The following RBFOX1 variants were observed in gnomAD, a reference collection of about 807,000 sequenced individuals.
RBFOX1 encodes the protein RNA binding protein fox-1 homolog 1.
Under a neutral mutation model 57.7 loss-of-function variants are expected in RBFOX1, and 8 were observed. The ratio of observed to expected loss-of-function variants is 0.14; its 90% CI spans 0.08 to 0.25. RBFOX1 has a LOEUF of 0.25. Among genes scored for constraint, RBFOX1 ranks in the 10% least tolerant of loss-of-function variants. The pLI is 1.00. For missense variants in RBFOX1, 611 were observed against 548.5 expected, an observed-to-expected ratio of 1.11 and a Z score of -1.14; for synonymous variants, 326 against 222.4, an observed-to-expected ratio of 1.47 and a Z score of -4.15.
At chr16:5,635,330 G>T (rs2048648345) in intron 3 of RBFOX1, among the ~76,000 whole-genome samples, 1 of 152,194 alleles carries the variant, frequency 6.6e-6, no homozygotes, top group Non-Finnish European at 1.5e-5. Flanking sequence ...GAGGGAATAT[G>T]CAGCCTCCTA....
chr16:5,528,908 C>T (rs539623999), intron 2 of RBFOX1, among the ~76,000 whole-genome samples: 2 of 152,200 alleles, frequency 1.3e-5, no homozygotes, highest in Admixed American at 6.5e-5. Context: ...CTTCGGCCTC[C>T]CAAAGTGCTG....
chr16:5,277,091 G>GTA lies in RBFOX1; in HGVS notation c.219+36999_219+37000dup, dbSNP rs34355548. On this transcript the variant is annotated intron_variant, in intron 1 of 2. Transcript: ENST00000585867. ...GATAAAGAAAATGTGTTTTTTATAT[G>GTA]TATATATATATATACCATAGAATAC... 7.1e-3 allele frequency among the ~76,000 whole-genome samples: 1,078 copies of GTA among 151,100 alleles called. 9 individuals carry two copies. The highest frequency in any genetic ancestry group is 0.02 in the African/African-American group (827 of 41,254).
chr16:5,994,922 G>A (rs1470433392), intron 4 of RBFOX1, among the ~76,000 whole-genome samples: 2 of 152,154 alleles, frequency 1.3e-5, no homozygotes, highest in East Asian at 1.9e-4. Flanking sequence ...AGATCAACTT[G>A]CCCACAGCAA....
chr16:7,480,211 C>A (rs551741362), intron 4 of RBFOX1, among the ~76,000 whole-genome samples: 1 of 152,312 alleles, frequency 6.6e-6, no homozygotes, highest in African/African-American at 2.4e-5. Context: ...GGATGTTCGT[C>A]TTTTTCTGCC....
intron 2 of RBFOX1, among the ~76,000 whole-genome samples, chr16:5,588,760 A>G (rs954451602): frequency 2.0e-5 from 3 of 152,166 alleles, no homozygotes; most frequent in Admixed American, 2.0e-4. Flanking sequence ...TCGGGGGGAA[A>G]TGGAGTCAAG....
At chr16:7,446,635 G>A (rs940199319) in intron 4 of RBFOX1, among the ~76,000 whole-genome samples, 1 of 151,966 alleles carries the variant, frequency 6.6e-6, no homozygotes, top group South Asian at 2.1e-4. Flanking sequence ...TGAACCACAT[G>A]AGCCTGTCTT....
intron 1 of RBFOX1, among the ~76,000 whole-genome samples, chr16:6,137,238 G>A (rs1460582510): frequency 2.6e-5 from 4 of 152,154 alleles, no homozygotes; most frequent in African/African-American, 9.7e-5. Flanking sequence ...GCCATTTATT[G>A]AATTCCTACT....
chr16:6,436,301 C>T (rs923583640), intron 2 of RBFOX1, among the ~76,000 whole-genome samples: 4 of 152,024 alleles, frequency 2.6e-5, no homozygotes, highest in African/African-American at 7.3e-5. Flanking sequence ...ATTACTTTTC[C>T]TCCTCTTAAT....
At chr16:5,452,966 T>A (rs2068473077) in intron 1 of RBFOX1, among the ~76,000 whole-genome samples, 1 of 152,186 alleles carries the variant, frequency 6.6e-6, no homozygotes, top group East Asian at 1.9e-4. Flanking sequence ...TGTTTCAGCA[T>A]GTCTTCAAGG....
At chr16:5,370,346 C>T (rs1159608463) in intron 1 of RBFOX1, among the ~76,000 whole-genome samples, 1 of 152,036 alleles carries the variant, frequency 6.6e-6, no homozygotes, top group Non-Finnish European at 1.5e-5. Flanking sequence ...TTTAGACATT[C>T]AGCTGTTTGA....
At chr16:7,140,581 T>C (rs755573261) in intron 4 of RBFOX1, among the ~76,000 whole-genome samples, 4 of 152,162 alleles carry the variant, frequency 2.6e-5, no homozygotes, top group African/African-American at 4.8e-5. Flanking sequence ...GGGGCATCTT[T>C]CTATTTTTTT....
chr16:6,813,700 C>G (rs944697054), intron 3 of RBFOX1, among the ~76,000 whole-genome samples: 2 of 152,164 alleles, frequency 1.3e-5, no homozygotes, highest in African/African-American at 4.8e-5. Flanking sequence ...CCCATACTCT[C>G]TCACCCTATC....
intron 2 of RBFOX1, among the ~76,000 whole-genome samples, chr16:5,504,269 G>T (rs8063955): frequency 6.6e-6 from 1 of 152,208 alleles, no homozygotes; most frequent in Non-Finnish European, 1.5e-5. Context: ...GCACAGAGCA[G>T]GCCGCCTCCC....
rs867984293 is a variant in RBFOX1, at chr16:7,314,565, T to C, written c.28-203582T>C. Among the ~76,000 whole-genome samples, 5 of 152,340 alleles carry C rather than the reference T, an allele frequency of 3.3e-5. No individual in the cohort carries two copies. In the Middle Eastern group the frequency reaches 0.014, roughly 415 times the overall value. On this transcript the variant is annotated intron_variant, in intron 4 of 15. Coordinates refer to ENST00000550418, the MANE Select transcript of RBFOX1 (RefSeq NM_018723.4). ...ACGGGATGCGATCTGTCTTAGGTGT[T>C]TCAGGGCTGATTGGTTTGTTTCACA...
At chr16:6,864,348 C>G (rs1347728223) in intron 3 of RBFOX1, among the ~76,000 whole-genome samples, 1 of 152,002 alleles carries the variant, frequency 6.6e-6, no homozygotes, top group Non-Finnish European at 1.5e-5. Flanking sequence ...ATTTGAAAAA[C>G]AATAATAATT....
intron 3 of RBFOX1, among the ~76,000 whole-genome samples, chr16:7,000,234 C>G (rs1383578039): frequency 6.6e-6 from 1 of 152,058 alleles, no homozygotes; most frequent in Non-Finnish European, 1.5e-5. Flanking sequence ...TTAATATAAG[C>G]AAGCATTCTA....
intron 14 of RBFOX1, among the ~76,000 whole-genome samples, chr16:7,707,792 C>A (rs1011879163): frequency 6.6e-6 from 1 of 152,190 alleles, no homozygotes; most frequent in Admixed American, 6.5e-5. Flanking sequence ...GATCAGGTCG[C>A]AGATATTCAT....
At chr16:7,392,762 G>T (rs1445664656) in intron 4 of RBFOX1, among the ~76,000 whole-genome samples, 1 of 152,128 alleles carries the variant, frequency 6.6e-6, no homozygotes, top group Non-Finnish European at 1.5e-5. Flanking sequence ...CTGAATCTAA[G>T]GGTTTGCATA....
intron 4 of RBFOX1, among the ~76,000 whole-genome samples, chr16:7,353,715 A>G (rs1568370295): frequency 6.6e-6 from 1 of 152,218 alleles, no homozygotes; most frequent in Non-Finnish European, 1.5e-5. Flanking sequence ...AAAGGACTAC[A>G]TATTGTATGA....
Sources: allele counts gnomAD v4.1 joint callset (sites outside exome capture counted in the v4.1 genomes callset), GRCh38; gene constraint gnomAD v4.1.1; transcripts MANE v1.5; gene names NCBI Gene and HGNC (gene_info 2026-07-23, HGNC 2026-07-21).